TRHDE: variants seen among roughly 807,000 people sequenced by gnomAD.
TRHDE encodes the protein thyrotropin-releasing hormone-degrading ectoenzyme.
Under a neutral mutation model 125.7 loss-of-function variants are expected in TRHDE, and 72 were observed. That is an observed-to-expected ratio of 0.57 (90% CI 0.47 to 0.70). TRHDE has a LOEUF of 0.70. TRHDE is among the 30% of genes least tolerant of loss of function. TRHDE has a pLI of 0.00. For missense variants in TRHDE, 1,110 were observed against 1,327.1 expected, an observed-to-expected ratio of 0.84 and a Z score of 2.54; for synonymous variants, 509 against 509.1, an observed-to-expected ratio of 1.00 and a Z score of 0.00.
intron 7 of TRHDE, among the ~76,000 whole-genome samples, chr12:72,549,609 A>G (rs1165741905): frequency 2.6e-5 from 4 of 151,842 alleles, no homozygotes; most frequent in Admixed American, 2.6e-4. Context: ...TAATAATGTT[A>G]TCATTACTAA....
chr12:72,613,293 T>C (rs1354138766), intron 12 of TRHDE, among the ~76,000 whole-genome samples: 1 of 152,194 alleles, frequency 6.6e-6, no homozygotes, highest in Non-Finnish European at 1.5e-5. Context: ...TTTAAAGCTG[T>C]TGTCTAGATA....
chr12:72,446,289 T>C (rs552843943), intron 3 of TRHDE, among the ~76,000 whole-genome samples: 1 of 151,880 alleles, frequency 6.6e-6, no homozygotes, highest in South Asian at 2.1e-4. Context: ...CTCCTAATGC[T>C]ATCCCTCCCC....
intron 5 of TRHDE, among the ~76,000 whole-genome samples, chr12:72,481,786 G>A (rs1405210344): frequency 1.3e-5 from 2 of 151,866 alleles, no homozygotes; most frequent in Non-Finnish European, 2.9e-5. Flanking sequence ...TAGGATTGAT[G>A]AAATTAAATT....
At chr12:72,652,203 C>A in intron 15 of TRHDE, 119 bp from the exon 16 acceptor site, 4 of 561,086 alleles carry the variant, frequency 7.1e-6, no homozygotes, top group Non-Finnish European at 1.1e-5. Context: ...CAGGTAAAAT[C>A]TAATTAGCAA....
At chr12:72,202,369 A>G (rs1325368782) in intron 2 of TRHDE, among the ~76,000 whole-genome samples, 1 of 152,224 alleles carries the variant, frequency 6.6e-6, no homozygotes, top group Non-Finnish European at 1.5e-5. Flanking sequence ...TTTCAATAAT[A>G]TGAATTTGGC....
chr12:72,603,113 G>C (rs1446143733), intron 12 of TRHDE, among the ~76,000 whole-genome samples: 1 of 152,086 alleles, frequency 6.6e-6, no homozygotes, highest in African/African-American at 2.4e-5. Flanking sequence ...AAGAAAACAT[G>C]CAAAAGAATA....
At chr12:72,441,067 A>T (rs936744326) in intron 3 of TRHDE, among the ~76,000 whole-genome samples, 2 of 151,842 alleles carry the variant, frequency 1.3e-5, no homozygotes, top group African/African-American at 4.8e-5. Flanking sequence ...AAATACTGTT[A>T]TACTCAGTTC....
rs532073379 is a variant in TRHDE, at chr12:72,386,352, T to A, written c.1315+8231T>A. On this transcript the variant is annotated intron_variant, in intron 3 of 18. Transcript: ENST00000261180. ...TTCATATTTAGTCATTGCATTAGCC[T>A]TTTTCCTTATACTCCGCTGTTTCCC... Among the ~76,000 whole-genome samples the A allele has an allele frequency of 1.4e-4, 21 of 152,326 alleles. No homozygotes were observed. In the South Asian group the frequency reaches 4.1e-3, roughly 30 times the overall value.
chr12:72,570,167 G>C (rs1870649866), intron 10 of TRHDE, among the ~76,000 whole-genome samples: 1 of 152,188 alleles, frequency 6.6e-6, no homozygotes, highest in Non-Finnish European at 1.5e-5. Flanking sequence ...CTTTTAGATA[G>C]TGCAAGGATT....
chr12:72,542,117 C>CA (rs749405484), intron 6 of TRHDE, among the ~76,000 whole-genome samples, 174 bp from the exon 7 acceptor site: 66 of 150,934 alleles, frequency 4.4e-4, no homozygotes, highest in Admixed American at 2.7e-4. Flanking sequence ...TTCACAAGAC[C>CA]AAAAAAATGA....
chr12:72,090,817 T>A (rs963605223), intron 1 of TRHDE, among the ~76,000 whole-genome samples: 1 of 152,058 alleles, frequency 6.6e-6, no homozygotes, highest in Non-Finnish European at 1.5e-5. Context: ...TTGTGCATGT[T>A]TTATTTTTAG....
At chr12:72,110,443 A>G (rs556437494) in intron 2 of TRHDE, among the ~76,000 whole-genome samples, 5 of 151,810 alleles carry the variant, frequency 3.3e-5, no homozygotes, top group Non-Finnish European at 5.9e-5. Context: ...ATTGCCCCAC[A>G]TTTCTTCTCA....
At position 72,305,206 on chromosome 12, in the gene TRHDE, A is replaced by C. The variant is rs76235812; in HGVS notation, c.1188+18252A>C. ...GTATTAAAATCCCAACAGTAACAGC[A>C]AACAACTCTGACAAAGTTAGAAAGA... On this transcript the variant is annotated intron_variant, in intron 2 of 18. Coordinates refer to ENST00000261180, the MANE Select transcript of TRHDE (RefSeq NM_013381.3). 1.2e-3 allele frequency among the ~76,000 whole-genome samples: 180 copies of C among 152,328 alleles called. No individual in the cohort carries two copies. In the East Asian group the frequency reaches 0.02, roughly 17 times the overall value.
At chr12:72,512,700 A>G (rs896856112) in intron 6 of TRHDE, among the ~76,000 whole-genome samples, 6 of 147,184 alleles carry the variant, frequency 4.1e-5, no homozygotes, top group Non-Finnish European at 6.0e-5. Flanking sequence ...GATTTTTCAG[A>G]TTGACAGAAT....
At chr12:72,494,356 C>T (rs1053155041) in intron 5 of TRHDE, among the ~76,000 whole-genome samples, 1 of 151,994 alleles carries the variant, frequency 6.6e-6, no homozygotes, top group Non-Finnish European at 1.5e-5. Flanking sequence ...CTGCTTTCTC[C>T]ATGCCTATGA....
intron 2 of TRHDE, among the ~76,000 whole-genome samples, chr12:72,204,451 G>A (rs576124166): frequency 5.9e-5 from 9 of 151,950 alleles, no homozygotes; most frequent in African/African-American, 2.2e-4. Context: ...CATTCTCCCT[G>A]GGTGATTATA....
chr12:72,495,536 CTAAT>C (rs755391908), intron 5 of TRHDE, among the ~76,000 whole-genome samples: 1 of 152,028 alleles, frequency 6.6e-6, no homozygotes, highest in East Asian at 1.9e-4. Context: ...CTTTTCTGAA[CTAAT>C]TAATCATTTC....
At chr12:72,099,164 G>GA (rs5799063) in intron 1 of TRHDE, among the ~76,000 whole-genome samples, 39,479 of 145,314 alleles carry the variant, frequency 0.27, 5,673 homozygotes, top group African/African-American at 0.41. Context: ...ACTCTGTCAA[G>GA]AAAAAAAAAA....
chr12:72,585,491 A>G (rs1351071179), intron 12 of TRHDE, among the ~76,000 whole-genome samples: 2 of 152,208 alleles, frequency 1.3e-5, no homozygotes, highest in East Asian at 1.9e-4. Flanking sequence ...ACAATCCACC[A>G]TATTCATTGA....
Sources: allele counts gnomAD v4.1 joint callset (sites outside exome capture counted in the v4.1 genomes callset), GRCh38; gene constraint gnomAD v4.1.1; transcripts MANE v1.5; gene names NCBI Gene and HGNC (gene_info 2026-07-23, HGNC 2026-07-21).